Variants in CFAP43 observed in about 807,000 individuals in gnomAD.
CFAP43 encodes the protein cilia- and flagella-associated protein 43.
A neutral mutation model predicts 218.9 loss-of-function variants in CFAP43; 155 were observed. The ratio of observed to expected loss-of-function variants is 0.71; its 90% confidence interval spans 0.62 to 0.81. CFAP43 has a LOEUF of 0.81. Ranked by LOEUF, CFAP43 falls within the 30% of genes least tolerant of loss-of-function variation. The probability of loss-of-function intolerance (pLI) is 0.00; values close to 1 mark genes in which losing one functional copy is unlikely to be tolerated. For missense variants in CFAP43, 1,778 were observed against 1,954.3 expected, an observed-to-expected ratio of 0.91 and a Z score of 1.70; for synonymous variants, 645 against 681.3, an observed-to-expected ratio of 0.95 and a Z score of 0.83.
intron 36 of CFAP43, among the ~76,000 whole-genome samples, chr10:104,131,750 AT>A (rs2087206028): frequency 6.6e-6 from 1 of 152,204 alleles, no homozygotes; most frequent in Non-Finnish European, 1.5e-5. Flanking sequence ...TTTGTTTCTA[AT>A]ATATGCTACA....
chr10:104,175,056 A>G (rs789207), intron 19 of CFAP43, among the ~76,000 whole-genome samples: 71,718 of 151,088 alleles, frequency 0.47, 18,140 homozygotes, highest in African/African-American at 0.67. Flanking sequence ...GCGAGACTCC[A>G]TCTAAAACAA....
intron 27 of CFAP43, among the ~76,000 whole-genome samples, chr10:104,159,229 A>G (rs535873972): frequency 6.6e-6 from 1 of 152,222 alleles, no homozygotes; most frequent in South Asian, 2.1e-4. Flanking sequence ...TGAGTTTTGC[A>G]GTAAAGGAGA....
intron 31 of CFAP43, 31 bp from the exon 32 acceptor site, chr10:104,143,670 T>G: frequency 6.2e-7 from 1 of 1,604,434 alleles, no homozygotes; most frequent in Non-Finnish European, 8.5e-7. Flanking sequence ...CCATCAACAT[T>G]TCACATTCTC....
chr10:104,212,079 A>T lies in CFAP43; in HGVS notation c.663T>A (p.Asp221Glu), dbSNP rs776169043. The change falls in exon 5 of 38, where the codon GAT becomes GAA. Residue 221 changes from aspartate to glutamate, a missense_variant. Transcript: ENST00000357060. The stretch of plus-strand genomic sequence containing the variant: ...GTGGCAGCACGGGACCATAGATGAG[A>T]TCTTTCGGCAACGACTGGGGGAAAA... Reference protein sequence around the residue: ...DVVFPQSLPKDLIYGPVLPLS... With the variant: ...DVVFPQSLPKELIYGPVLPLS... The T allele has an allele frequency of 6.2e-7, 1 of 1,614,012 alleles. No individual in the cohort carries two copies. Among genetic ancestry groups the T allele is most frequent in the Non-Finnish European group, 8.5e-7 (1 of 1,179,986 alleles).
At chr10:104,212,408 T>C (rs772459925) in intron 4 of CFAP43, among the ~76,000 whole-genome samples, 1 of 152,194 alleles carries the variant, frequency 6.6e-6, no homozygotes, top group Non-Finnish European at 1.5e-5. Context: ...AGTTGTAAAT[T>C]TGAATACTGG....
intron 24 of CFAP43, 32 bp downstream of exon 24, chr10:104,164,062 A>G (rs2089019854): frequency 1.1e-5 from 17 of 1,606,320 alleles, no homozygotes; most frequent in Non-Finnish European, 1.4e-5. Context: ...CTCCTGAGAA[A>G]GAAGGGAAAG....
At chr10:104,213,940 T>G (rs2134977220) in intron 4 of CFAP43, among the ~76,000 whole-genome samples, 1 of 152,346 alleles carries the variant, frequency 6.6e-6, no homozygotes, top group South Asian at 2.1e-4. Context: ...AACAGGCATG[T>G]TTTAAAATAG....
intron 24 of CFAP43, 151 bp downstream of exon 24, chr10:104,163,943 A>G: frequency 1.4e-6 from 1 of 717,252 alleles, no homozygotes; most frequent in Admixed American, 3.0e-5. Flanking sequence ...AATTCTCATC[A>G]TTGCTGAGGC....
intron 12 of CFAP43, among the ~76,000 whole-genome samples, chr10:104,190,135 CAAA>C (rs59257656): frequency 1.4e-4 from 7 of 50,766 alleles, no homozygotes; most frequent in Non-Finnish European, 2.7e-4. Context: ...GACTCCATCT[CAAA>C]AAAAAAAAAA....
intron 27 of CFAP43, 48 bp downstream of exon 27, chr10:104,160,989 A>G (rs1341361593): frequency 6.5e-7 from 1 of 1,534,580 alleles, no homozygotes; most frequent in Non-Finnish European, 8.9e-7. Flanking sequence ...AGATATTTAA[A>G]CAGCACTCTG....
chr10:104,167,241 T>C (rs1229036288), intron 22 of CFAP43, among the ~76,000 whole-genome samples: 1 of 152,152 alleles, frequency 6.6e-6, no homozygotes, highest in African/African-American at 2.4e-5. Flanking sequence ...AAACCATAAT[T>C]CCATCAAAAC....
intron 19 of CFAP43, among the ~76,000 whole-genome samples, chr10:104,173,969 C>T (rs868711628): frequency 3.3e-5 from 5 of 151,970 alleles, no homozygotes; most frequent in Admixed American, 6.5e-5. Context: ...TTTACAGTAA[C>T]TAGGGATGCA....
rs187414161 is a variant in CFAP43, at chr10:104,135,206, G to C, written c.4432-1422C>G. ...ATGATTAAAAAAAATATATGCAACA[G>C]ACTTGGAATAAAAGGGAACTTCCTC... On this transcript the variant is annotated intron_variant, in intron 34 of 37. Coordinates refer to ENST00000357060, the MANE Select transcript of CFAP43 (RefSeq NM_025145.7). Among the ~76,000 whole-genome samples, 70 of 151,694 alleles carry C rather than the reference G, an allele frequency of 4.6e-4. 1 individual carries two copies. Among genetic ancestry groups the C allele is most frequent in the African/African-American group, 1.7e-3 (69 of 41,348 alleles).
intron 34 of CFAP43, among the ~76,000 whole-genome samples, chr10:104,134,686 A>G (rs2134730597): frequency 6.6e-6 from 1 of 152,294 alleles, no homozygotes; most frequent in East Asian, 1.9e-4. Flanking sequence ...TTCAAAAAGT[A>G]ATAGAAAATT....
chr10:104,150,383 G>A (rs2088193320), intron 28 of CFAP43, among the ~76,000 whole-genome samples: 1 of 152,106 alleles, frequency 6.6e-6, no homozygotes, highest in Non-Finnish European at 1.5e-5. Flanking sequence ...AGGTCTTGCT[G>A]GTTCTGGGAA....
intron 27 of CFAP43, among the ~76,000 whole-genome samples, chr10:104,155,583 G>A (rs1180418866): frequency 3.9e-5 from 6 of 152,118 alleles, no homozygotes; most frequent in African/African-American, 1.2e-4. Flanking sequence ...TCAGCCAGGA[G>A]GTGATAAGTA....
At chr10:104,179,407 C>G (rs2089745100) in intron 18 of CFAP43, among the ~76,000 whole-genome samples, 1 of 152,132 alleles carries the variant, frequency 6.6e-6, no homozygotes, top group Non-Finnish European at 1.5e-5. Flanking sequence ...TTATCGGGAA[C>G]TTGAGACTAG....
At chr10:104,175,717 G>T (rs745674963) in intron 19 of CFAP43, among the ~76,000 whole-genome samples, 1 of 152,164 alleles carries the variant, frequency 6.6e-6, no homozygotes, top group Non-Finnish European at 1.5e-5. Context: ...TTGCTACTCT[G>T]GGAAAAGATC....
At position 104,161,040 on chromosome 10, in the gene CFAP43, T is replaced by G. The variant is rs890199392; in HGVS notation, c.3537A>C (p.Arg1179Ser). 6.2e-7 allele frequency: 1 copy of G among 1,606,140 alleles called. No individual in the cohort carries two copies. Among genetic ancestry groups the G allele is most frequent in the Admixed American group, 1.7e-5 (1 of 59,844 alleles). Residue 1179 changes from arginine to serine, a missense_variant, in exon 27 of 38, where the codon AGA (arginine) becomes AGC (serine). By Grantham distance (110) the Arg-to-Ser change is moderately radical. Around this residue, in one of 3 missense-constraint regions of CFAP43, gnomAD observed 1,553 missense variants for 1,685.2 expected, o/e 0.92. Coordinates refer to ENST00000357060, the MANE Select transcript of CFAP43 (RefSeq NM_025145.7). ...ATTAATTATTTGCTCTTCTGACCTT[T>G]CTATACTTATCTCTTTCTTCATTTA... ...KELNEERDKY[R>S]KSLEAELKKL...
Sources: gnomAD v4.1 joint callset for allele counts (sites outside exome capture counted in the v4.1 genomes callset) on GRCh38, gnomAD v4.1.1 for gene constraint, gnomAD v4.1.1 regional missense constraint, MANE v1.5 for transcripts, NCBI Gene and HGNC (gene_info 2026-07-23, HGNC 2026-07-21) for gene names.